Variants in SMPDL3A observed in about 807,000 individuals in gnomAD.
The protein encoded by SMPDL3A is cyclic GMP-AMP phosphodiesterase SMPDL3A.
SMPDL3A carries 39 observed loss-of-function variants against 38.5 expected under a neutral mutation model. That is an observed-to-expected ratio of 1.01 (90% CI 0.78 to 1.32). SMPDL3A has a LOEUF of 1.32. Ranked by LOEUF, SMPDL3A falls within the 40% of genes most tolerant of loss-of-function variation. SMPDL3A has a pLI of 0.00. For synonymous variants in SMPDL3A, 180 were observed against 194.3 expected, an observed-to-expected ratio of 0.93 and a Z score of 0.61; for missense variants, 502 against 536.2, an observed-to-expected ratio of 0.94 and a Z score of 0.63.
intron 1 of SMPDL3A, among the ~76,000 whole-genome samples, chr6:122,790,650 G>A (rs1287007359): frequency 6.6e-6 from 1 of 152,142 alleles, no homozygotes; most frequent in Admixed American, 6.5e-5. Flanking sequence ...TCTGGTTTCC[G>A]AACTGTGGCA....
rs565504480 is a variant in SMPDL3A, at chr6:122,805,389, G to A, written c.919+300G>A. On this transcript the variant is annotated intron_variant, in intron 6 of 7. Coordinates refer to ENST00000368440, the MANE Select transcript of SMPDL3A (RefSeq NM_006714.5). ...CACTCAAATGTTCTTTTAAATCTTC[G>A]AGTTTAAAGAAATATCACTCTATTT... 5.3e-5 allele frequency among the ~76,000 whole-genome samples: 8 copies of A among 152,186 alleles called. No individual in the cohort carries two copies. In the South Asian group the frequency reaches 1.0e-3, roughly 20 times the overall value.
chr6:122,790,781 C>G (rs1306364642), intron 1 of SMPDL3A, among the ~76,000 whole-genome samples: 1 of 152,200 alleles, frequency 6.6e-6, no homozygotes, highest in Non-Finnish European at 1.5e-5. Context: ...AATAAAATGT[C>G]TCACGTTGCT....
chr6:122,802,069 T>A (rs1179344614), intron 4 of SMPDL3A, among the ~76,000 whole-genome samples: 1 of 152,242 alleles, frequency 6.6e-6, no homozygotes, highest in African/African-American at 2.4e-5. Flanking sequence ...GTTAACCCTT[T>A]GGCTTTTGCC....
intron 1 of SMPDL3A, among the ~76,000 whole-genome samples, chr6:122,791,181 A>G (rs1057258992): frequency 6.6e-6 from 1 of 151,684 alleles, no homozygotes; most frequent in African/African-American, 2.4e-5. Context: ...TTTGCGTTTA[A>G]ATTCCCAGTC....
rs1781263272 is a variant in SMPDL3A at position 122,796,823 on chromosome 6, G to A, written c.327-1G>A. On this transcript the variant is annotated splice_acceptor_variant, in intron 2 of 7. Coordinates refer to ENST00000368440, the MANE Select transcript of SMPDL3A (RefSeq NM_006714.5). LOFTEE classifies it high-confidence loss of function. ...TCTTTACAATCTCTCTCTTTTTTCAGGGATAGCCCACCTCATGTTCCTGTA... is the reference window on the plus strand; with the variant it reads ...TCTTTACAATCTCTCTCTTTTTTCAAGGATAGCCCACCTCATGTTCCTGTA... 1.2e-6 allele frequency: 2 copies of A among 1,604,256 alleles called. No individual in the cohort carries two copies. Among genetic ancestry groups the A allele is most frequent in the Non-Finnish European group, 1.7e-6 (2 of 1,176,800 alleles).
chr6:122,800,793 C>T (rs1440212356), intron 3 of SMPDL3A, among the ~76,000 whole-genome samples: 2 of 152,198 alleles, frequency 1.3e-5, no homozygotes, highest in African/African-American at 4.8e-5. Flanking sequence ...CTCAGTTGCC[C>T]AGGCTGAAGT....
chr6:122,804,876 T>C (rs1205487087), intron 5 of SMPDL3A, 33 bp from the exon 6 acceptor site: 1 of 1,567,600 alleles, frequency 6.4e-7, no homozygotes, highest in Non-Finnish European at 8.6e-7. Flanking sequence ...GCAGAAAGAT[T>C]CTCATGAGGC....
In SMPDL3A at chr6:122,795,790, T is replaced by C. The variant is rs751674476; in HGVS notation, c.226T>C (p.Phe76Leu). The C allele has an allele frequency of 8.1e-6, 13 of 1,614,120 alleles. No individual in the cohort carries two copies. Among genetic ancestry groups the C allele is most frequent in the Non-Finnish European group, 1.1e-5 (13 of 1,179,968 alleles). Residue 76 changes from phenylalanine to leucine, a missense_variant, in exon 2 of 8, where the codon TTT (phenylalanine) becomes CTT (leucine). By Grantham distance (22) the Phe-to-Leu change is conservative. Transcript: ENST00000368440. ...KGANASNPGP[F>L]GDVLCDSPYQ... is the part of the protein sequence containing the mutation. ...TGCAAATGCCTCCAACCCTGGCCCT[T>C]TTGGAGATGTTCTGTGTGATTCTCC...
At chr6:122,805,135 G>T in intron 6 of SMPDL3A, 46 bp downstream of exon 6, 2 of 1,445,494 alleles carry the variant, frequency 1.4e-6, no homozygotes, top group East Asian at 2.5e-5. Flanking sequence ...AGAGTCTAGA[G>T]CAAAGCGGTG....
intron 4 of SMPDL3A, among the ~76,000 whole-genome samples, 182 bp from the exon 5 acceptor site, chr6:122,803,482 G>C (rs1781491894): frequency 6.6e-6 from 1 of 152,142 alleles, no homozygotes; most frequent in African/African-American, 2.4e-5. Flanking sequence ...ACCATAGCAG[G>C]TTTGCAGTAA....
At chr6:122,789,517 T>G (rs1780991348) in intron 1 of SMPDL3A, 59 bp downstream of exon 1, 3 of 1,415,550 alleles carry the variant, frequency 2.1e-6, no homozygotes, top group African/African-American at 2.9e-5. Context: ...CGGCGGCGCC[T>G]GCGCACAGCA....
chr6:122,809,340 A>G lies in SMPDL3A; in HGVS notation c.1294A>G (p.Ile432Val), dbSNP rs377120956. ...KTCKAFQICA[I>V]MNLDNISYAD... ...ATGTAAGGCCTTTCAGATTTGTGCA[A>G]TTATGAATCTTGATAATATTTCCTA... Residue 432 changes from isoleucine (I) to valine (V), a missense_variant, in exon 8 of 8, where the codon ATT (isoleucine) becomes GTT (valine). Ile to Val is a conservative substitution (Grantham distance 29). Transcript: ENST00000368440. 11 of 1,614,048 alleles carry G rather than the reference A, an allele frequency of 6.8e-6. No homozygotes were observed. Among genetic ancestry groups the G allele is most frequent in the African/African-American group, 1.3e-5 (1 of 75,056 alleles).
chr6:122,789,279 C>A lies in SMPDL3A; in HGVS notation c.-68C>A. On this transcript the variant is annotated 5_prime_UTR_variant, in exon 1 of 8. Transcript: ENST00000368440. ...AGCCGTCTTCTGTCTCCGCCTCACC[C>A]TCAGGCCTGACGGTCCGAGTGGAGC... The A allele has an allele frequency of 8.6e-7, 1 of 1,166,874 alleles. No individual in the cohort carries two copies. Among genetic ancestry groups the A allele is most frequent in the Non-Finnish European group, 1.2e-6 (1 of 828,088 alleles). The allele number at this position is 1,166,874 out of a possible 1,614,324, so 72.3% of individuals were successfully genotyped here. A position where few individuals can be genotyped will look rare whatever the true frequency, so the allele number is the denominator to read the frequency against.
chr6:122,789,403 C>T lies in SMPDL3A; in HGVS notation c.57C>T (p.Ser19=), dbSNP rs1041586256. Residue 19 remains serine (S), a synonymous_variant, in exon 1 of 8, where the codon TCC becomes TCT. Coordinates refer to ENST00000368440, the MANE Select transcript of SMPDL3A (RefSeq NM_006714.5). The part of the protein sequence containing the change: ...CCLLTAWHCR[S]GLGLPVAPAG... ...TGCTGACTGCCTGGCACTGCCGCTC[C>T]GGCCTCGGGCTGCCCGTGGCGCCCG... 9.7e-6 allele frequency: 15 copies of T among 1,549,220 alleles called. No homozygotes were observed. The African/African-American group carries it at 1.4e-4, about 14-fold the overall frequency.
intron 3 of SMPDL3A, 130 bp from the exon 4 acceptor site, chr6:122,801,180 T>G: frequency 1.5e-6 from 1 of 664,248 alleles, no homozygotes; most frequent in Non-Finnish European, 2.7e-6. Context: ...TCCTTGAAGA[T>G]GAAGTCTATC....
At chr6:122,793,466 A>G (rs1354417766) in intron 1 of SMPDL3A, among the ~76,000 whole-genome samples, 1 of 152,220 alleles carries the variant, frequency 6.6e-6, no homozygotes, top group Non-Finnish European at 1.5e-5. Flanking sequence ...TCTCGAAATA[A>G]TACAAATACA....
chr6:122,802,860 G>T (rs1485152019), intron 4 of SMPDL3A, among the ~76,000 whole-genome samples: 1 of 151,664 alleles, frequency 6.6e-6, no homozygotes, highest in Non-Finnish European at 1.5e-5. Context: ...CATCCCAGAG[G>T]CCCTAGTGAG....
intron 5 of SMPDL3A, 67 bp downstream of exon 5, chr6:122,803,900 C>T (rs538076730): frequency 2.2e-5 from 29 of 1,311,030 alleles, no homozygotes; most frequent in Admixed American, 3.6e-5. Flanking sequence ...TTATTAAACT[C>T]GGGGTAGACT....
At chr6:122,806,753 C>T (rs1456816603) in intron 7 of SMPDL3A, among the ~76,000 whole-genome samples, 1 of 152,152 alleles carries the variant, frequency 6.6e-6, no homozygotes, top group Non-Finnish European at 1.5e-5. Context: ...CTAAACTTTT[C>T]TGTGTCCCAG....
Sources: gnomAD v4.1 joint callset for allele counts (sites outside exome capture counted in the v4.1 genomes callset) on GRCh38, gnomAD v4.1.1 for gene constraint, MANE v1.5 for transcripts, NCBI Gene and HGNC (gene_info 2026-07-23, HGNC 2026-07-21) for gene names.